TMEM177: variants seen among roughly 807,000 people sequenced by gnomAD.
TMEM177 encodes transmembrane protein 177.
TMEM177 carries 4 observed loss-of-function variants against 14.2 expected under a neutral mutation model. The observed-to-expected ratio is 0.28, with a 90% CI of 0.14 to 0.64. The LOEUF is 0.64. Among genes scored for constraint, TMEM177 ranks in the 30% least tolerant of loss-of-function variants. The pLI is 0.82. For missense variants in TMEM177, 344 were observed against 405.2 expected (o/e 0.85, Z 1.30); for synonymous variants, 179 against 174.5 (o/e 1.03, Z -0.20).
chr2:119,722,197 T>C, the TMEM177 span, among the ~76,000 whole-genome samples: 4 of 151,836 alleles, frequency 2.6e-5, no homozygotes, highest in Admixed American at 6.6e-5. Context: ...CTGGGCGACA[T>C]AGCAAGACCC....
At chr2:119,710,408 G>C in the TMEM177 span, among the ~76,000 whole-genome samples, 1 of 152,184 alleles carries the variant, frequency 6.6e-6, no homozygotes, top group Non-Finnish European at 1.5e-5. Flanking sequence ...GGGCAGGATG[G>C]AGGAGTCTGC....
chr2:119,681,412 G>A lies in TMEM177; in HGVS notation c.559G>A (p.Ala187Thr). 6.2e-7 allele frequency: 1 copy of A among 1,613,900 alleles called. No individual in the cohort carries two copies. Among genetic ancestry groups the A allele is most frequent in the Non-Finnish European group, 8.5e-7 (1 of 1,179,968 alleles). ...LAGTWALGVGAKYTLGLHAGP... is the reference protein window; with the variant it reads ...LAGTWALGVGTKYTLGLHAGP... ...AGGGACCTGGGCACTGGGCGTGGGT[G>A]CCAAGTACACCCTGGGGCTCCATGC... Residue 187 changes from alanine to threonine, a missense_variant, in exon 2 of 2, where the codon GCC becomes ACC. Coordinates refer to ENST00000272521, the MANE Select transcript of TMEM177 (RefSeq NM_030577.3).
At chr2:119,717,395 G>T in the TMEM177 span, among the ~76,000 whole-genome samples, 2 of 152,074 alleles carry the variant, frequency 1.3e-5, no homozygotes, top group African/African-American at 2.4e-5. Flanking sequence ...CAGTGGCAGG[G>T]CTCTTGTGAG....
the TMEM177 span, among the ~76,000 whole-genome samples, chr2:119,712,519 G>T: frequency 6.6e-6 from 1 of 152,172 alleles, no homozygotes; most frequent in Admixed American, 6.5e-5. Context: ...CACCAGGGAT[G>T]CATGGGCTCA....
chr2:119,720,306 C>G, the TMEM177 span, among the ~76,000 whole-genome samples: 1 of 151,320 alleles, frequency 6.6e-6, no homozygotes, highest in Non-Finnish European at 1.5e-5. Context: ...CGGAGTTTCC[C>G]TCTTGTTACC....
chr2:119,690,793 G>T (rs1689081711), downstream of TMEM177, among the ~76,000 whole-genome samples: 1 of 152,234 alleles, frequency 6.6e-6, no homozygotes, highest in Admixed American at 6.5e-5. Context: ...AATTATGCTC[G>T]CTTTTACCCA....
downstream of TMEM177, among the ~76,000 whole-genome samples, chr2:119,687,458 C>G (rs1363271355): frequency 6.6e-6 from 1 of 152,172 alleles, no homozygotes; most frequent in Non-Finnish European, 1.5e-5. Flanking sequence ...AGGAAACTTA[C>G]AATCATGGCA....
chr2:119,682,471 T>C (rs1688930914), downstream of TMEM177, among the ~76,000 whole-genome samples: 1 of 152,106 alleles, frequency 6.6e-6, no homozygotes, highest in African/African-American at 2.4e-5. Flanking sequence ...GATGAGAAGT[T>C]AGTGTGGTCC....
chr2:119,716,060 G>T, the TMEM177 span, among the ~76,000 whole-genome samples: 1 of 152,222 alleles, frequency 6.6e-6, no homozygotes, highest in African/African-American at 2.4e-5. Context: ...GGTTCGGCTT[G>T]CATTCCGGTG....
the TMEM177 span, among the ~76,000 whole-genome samples, chr2:119,719,024 G>C: frequency 6.6e-6 from 1 of 152,132 alleles, no homozygotes; most frequent in African/African-American, 2.4e-5. Context: ...CAAGCTCCTG[G>C]GTGATGTTAA....
chr2:119,719,923 A>T, the TMEM177 span, among the ~76,000 whole-genome samples: 1 of 151,880 alleles, frequency 6.6e-6, no homozygotes, highest in Non-Finnish European at 1.5e-5. Flanking sequence ...CCTCCCAAAT[A>T]GCTGGGACTA....
chr2:119,706,572 G>C, the TMEM177 span, among the ~76,000 whole-genome samples: 1 of 152,046 alleles, frequency 6.6e-6, no homozygotes, highest in Non-Finnish European at 1.5e-5. Context: ...TGAAAAGCTA[G>C]CTTCCTTTTT....
chr2:119,690,605 C>T (rs538969468), downstream of TMEM177, among the ~76,000 whole-genome samples: 1 of 152,310 alleles, frequency 6.6e-6, no homozygotes, highest in East Asian at 1.9e-4. Flanking sequence ...GCAGAGCCCA[C>T]GTGGAGAGAG....
the TMEM177 span, among the ~76,000 whole-genome samples, chr2:119,694,504 C>T: frequency 6.6e-6 from 1 of 152,236 alleles, no homozygotes; most frequent in Non-Finnish European, 1.5e-5. Flanking sequence ...TCAGAGACAG[C>T]AGGGCTGGAG....
At chr2:119,696,855 G>A in the TMEM177 span, among the ~76,000 whole-genome samples, 12 of 152,314 alleles carry the variant, frequency 7.9e-5, no homozygotes, top group Admixed American at 6.5e-4. Context: ...AATGACGTTG[G>A]GGAGGTGGGG....
chr2:119,690,431 T>C (rs1689076697), downstream of TMEM177, among the ~76,000 whole-genome samples: 1 of 152,178 alleles, frequency 6.6e-6, no homozygotes. Context: ...GGTAGTTCTT[T>C]ATAACAATGC....
At chr2:119,718,499 A>AT in the TMEM177 span, among the ~76,000 whole-genome samples, 1 of 152,094 alleles carries the variant, frequency 6.6e-6, no homozygotes, top group Non-Finnish European at 1.5e-5. Context: ...TAGAGGTAAG[A>AT]TTTTCTTACT....
chr2:119,692,929 G>A, the TMEM177 span, among the ~76,000 whole-genome samples: 6 of 126,926 alleles, frequency 4.7e-5, no homozygotes, highest in Non-Finnish European at 9.3e-5. Flanking sequence ...CCGAGATCAC[G>A]CCACTGCACT....
chr2:119,703,512 T>G, the TMEM177 span, among the ~76,000 whole-genome samples: 1 of 152,218 alleles, frequency 6.6e-6, no homozygotes, highest in Admixed American at 6.5e-5. Flanking sequence ...TCCCACCGTA[T>G]GATGAAATGT....
Sources: allele counts gnomAD v4.1 joint callset (sites outside exome capture counted in the v4.1 genomes callset), GRCh38; gene constraint gnomAD v4.1.1; transcripts MANE v1.5; gene names NCBI Gene and HGNC (gene_info 2026-07-23, HGNC 2026-07-21).